Variants in NUCB2 observed in about 807,000 individuals in gnomAD.
NUCB2 encodes the protein nucleobindin-2.
NUCB2 carries 48 observed loss-of-function variants against 57.9 expected under a neutral mutation model. That is an observed-to-expected ratio of 0.83 (90% CI 0.66 to 1.05). The LOEUF is 1.05. Among genes scored for constraint, NUCB2 ranks in the 50% least tolerant of loss-of-function variants. The probability of loss-of-function intolerance (pLI) is 0.00; values close to 1 mark genes in which losing one functional copy is unlikely to be tolerated. For missense variants in NUCB2, 442 were observed against 476.2 expected (o/e 0.93, Z 0.67); for synonymous variants, 139 against 152.1 (o/e 0.91, Z 0.64).
chr11:17,321,939 T>C (rs10766385), intron 11 of NUCB2, among the ~76,000 whole-genome samples: 36,165 of 152,068 alleles, frequency 0.24, 5,001 homozygotes, highest in East Asian at 0.51. Context: ...TTTGTCAGAT[T>C]ATTAGATAAT....
chr11:17,327,327 C>T, intron 11 of NUCB2, among the ~76,000 whole-genome samples: 1 of 152,158 alleles, frequency 6.6e-6, no homozygotes. Flanking sequence ...TCCCAAAGTG[C>T]TGAGATTACA....
chr11:17,323,225 A>G (rs866757773), intron 11 of NUCB2, among the ~76,000 whole-genome samples: 8 of 152,268 alleles, frequency 5.3e-5, no homozygotes, highest in Middle Eastern at 3.4e-3. Flanking sequence ...TCTGTCATAT[A>G]TGCCTTTTAT....
At chr11:17,288,878 TATATACACACAC>T (rs1345228488) in intron 2 of NUCB2, among the ~76,000 whole-genome samples, 5 of 50,924 alleles carry the variant, frequency 9.8e-5, no homozygotes, top group East Asian at 6.4e-4. Flanking sequence ...TAATAACATG[TATATACACACAC>T]ACACACACAC....
intron 2 of NUCB2, among the ~76,000 whole-genome samples, chr11:17,340,066 C>A (rs2139602730): frequency 6.6e-6 from 1 of 152,304 alleles, no homozygotes; most frequent in Non-Finnish European, 1.5e-5. Flanking sequence ...AAGATGGTAT[C>A]TCATTGTGGT....
At chr11:17,346,216 T>C (rs995200185) in intron 2 of NUCB2, among the ~76,000 whole-genome samples, 1 of 152,198 alleles carries the variant, frequency 6.6e-6, no homozygotes, top group Non-Finnish European at 1.5e-5. Context: ...GTTATCCACC[T>C]CCTGCTTCAA....
intron 13 of NUCB2, 83 bp downstream of exon 13, chr11:17,331,066 C>A: frequency 1.1e-6 from 1 of 921,550 alleles, no homozygotes. Flanking sequence ...AATATAATTT[C>A]AAATCATTAA....
At chr11:17,314,454 A>T (rs903975649) in intron 10 of NUCB2, among the ~76,000 whole-genome samples, 1 of 148,032 alleles carries the variant, frequency 6.8e-6, no homozygotes, top group African/African-American at 2.5e-5. Flanking sequence ...GCTCTCTGTG[A>T]CTCTCTCTCC....
chr11:17,329,944 G>A (rs1951177722), intron 11 of NUCB2, among the ~76,000 whole-genome samples, 183 bp from the exon 12 acceptor site: 1 of 151,996 alleles, frequency 6.6e-6, no homozygotes, highest in Non-Finnish European at 1.5e-5. Flanking sequence ...TTTTCTTCCT[G>A]TTTTTCCTTT....
At chr11:17,285,187 G>A (rs934563855) in intron 2 of NUCB2, among the ~76,000 whole-genome samples, 1 of 152,152 alleles carries the variant, frequency 6.6e-6, no homozygotes, top group Non-Finnish European at 1.5e-5. Flanking sequence ...CAGCACTTTG[G>A]GAGGCCAAGG....
At chr11:17,338,673 TA>T (rs1180135504) in intron 2 of NUCB2, among the ~76,000 whole-genome samples, 1 of 152,188 alleles carries the variant, frequency 6.6e-6, no homozygotes, top group Non-Finnish European at 1.5e-5. Context: ...TATTTTATTT[TA>T]TTTTTTTGAG....
intron 2 of NUCB2, among the ~76,000 whole-genome samples, chr11:17,348,313 TTTTGTG>T (rs1952913259): frequency 2.9e-5 from 4 of 136,398 alleles, no homozygotes; most frequent in Admixed American, 9.0e-5. Flanking sequence ...TTTTGTTTGT[TTTTGTG>T]TTTTTTTTTT....
Position 17,309,587 on chromosome 11 carries a change from ACCAAGCTCTT to A in NUCB2, c.397_406del (p.Gln133Ter). On this transcript the variant is annotated frameshift_variant, in exon 6 of 14. Coordinates refer to ENST00000529010, the MANE Select transcript of NUCB2 (RefSeq NM_005013.4). LOFTEE classifies it high-confidence loss of function. ...TTTCTTTCAGATATAGGCATGGACC[ACCAAGCTCTT>A]CTAAAACAATTTGATCACCTAAACC... 1 of 1,595,362 alleles carries A rather than the reference ACCAAGCTCTT, an allele frequency of 6.3e-7. No homozygotes were observed. Among genetic ancestry groups the A allele is most frequent in the South Asian group, 1.1e-5 (1 of 87,556 alleles).
intron 11 of NUCB2, chr11:17,317,662 C>T (rs1949434444): frequency 3.3e-6 from 1 of 299,800 alleles, no homozygotes; most frequent in South Asian, 2.9e-5. Context: ...AAGAGATGCT[C>T]AGTGTATCCT....
chr11:17,345,639 G>A (rs532494587), intron 2 of NUCB2, among the ~76,000 whole-genome samples: 59 of 152,240 alleles, frequency 3.9e-4, no homozygotes, highest in African/African-American at 1.3e-3. Context: ...GCCGGGAGGC[G>A]GAGGTTGCAG....
At chr11:17,344,989 C>T (rs780606078) in intron 2 of NUCB2, among the ~76,000 whole-genome samples, 1 of 152,194 alleles carries the variant, frequency 6.6e-6, no homozygotes, top group Admixed American at 6.5e-5. Flanking sequence ...AGTCTGGTAT[C>T]TATTAGCACA....
intron 10 of NUCB2, among the ~76,000 whole-genome samples, chr11:17,312,454 A>G (rs1948634349): frequency 6.6e-6 from 1 of 150,446 alleles, no homozygotes; most frequent in African/African-American, 2.5e-5. Flanking sequence ...TCCAAGTTGG[A>G]GTGCAGTGGC....
chr11:17,282,254 A>G (rs1325306721), intron 1 of NUCB2, among the ~76,000 whole-genome samples: 1 of 107,906 alleles, frequency 9.3e-6, no homozygotes, highest in Admixed American at 8.9e-5. Context: ...ATATATATAT[A>G]TATATTTTTT....
chr11:17,296,309 C>T (rs1945812117), intron 4 of NUCB2, 98 bp downstream of exon 4: 2 of 569,188 alleles, frequency 3.5e-6, no homozygotes, highest in Non-Finnish European at 5.8e-6. Context: ...CCTTGAGCTC[C>T]TGGGCTCTAG....
chr11:17,300,967 CTTTTTTTTTTTTT>C (rs71047541), intron 4 of NUCB2, among the ~76,000 whole-genome samples: 4 of 84,392 alleles, frequency 4.7e-5, no homozygotes, highest in Non-Finnish European at 6.8e-5. Context: ...TAAAGCTAAT[CTTTTTTTTTTTTT>C]TTTTTTTTTG....
Sources: gnomAD v4.1 joint callset for allele counts (sites outside exome capture counted in the v4.1 genomes callset) on GRCh38, gnomAD v4.1.1 for gene constraint, MANE v1.5 for transcripts, NCBI Gene and HGNC (gene_info 2026-07-23, HGNC 2026-07-21) for gene names.